The following NPC1 variants were observed in gnomAD, a reference collection of about 807,000 sequenced individuals.
The protein encoded by NPC1 is NPC intracellular cholesterol transporter 1, also known as Niemann-Pick C1 protein.
A neutral mutation model predicts 140.4 loss-of-function variants in NPC1; 85 were observed. The observed-to-expected ratio is 0.61, with a 90% confidence interval of 0.51 to 0.72. The LOEUF is 0.72. Among genes scored for constraint, NPC1 ranks in the 30% least tolerant of loss-of-function variants. The pLI is 0.00. For missense variants in NPC1, 1,504 were observed against 1,623.8 expected, an observed-to-expected ratio of 0.93 and a Z score of 1.27; for synonymous variants, 656 against 624.8, an observed-to-expected ratio of 1.05 and a Z score of -0.74.
rs553424854 is a variant in NPC1 at position 23,513,916 on chromosome 18, A to G, written c.432-7274T>C. On this transcript the variant is annotated intron_variant, in intron 3 of 3. Transcript: ENST00000591107. ...GAATTGTAGTTCTTTATATATTCTG[A>G]TATTAACACCTTCTTAGAGATACAA... 7.2e-5 allele frequency among the ~76,000 whole-genome samples: 11 copies of G among 152,306 alleles called. No individual in the cohort carries two copies. In the East Asian group the frequency reaches 2.1e-3, roughly 29 times the overall value.
downstream of NPC1, chr18:23,528,884 C>CTT (rs112216095): frequency 3.2e-4 from 81 of 253,744 alleles, no homozygotes; most frequent in Middle Eastern, 1.3e-3. Context: ...ATCTGAACTG[C>CTT]TTTTTTTTTT....
chr18:23,561,522 A>G lies in NPC1; in HGVS notation c.469T>C (p.Tyr157His). 1 of 1,614,072 alleles carries G rather than the reference A, an allele frequency of 6.2e-7. No homozygotes were observed. The highest frequency in any genetic ancestry group is 2.2e-5 in the East Asian group (1 of 44,882). Residue 157 changes from tyrosine to histidine, a missense_variant, in exon 5 of 25, where the codon TAC becomes CAC. Tyr to His is a moderately conservative substitution (Grantham distance 83). Transcript: ENST00000269228. ...GCCTCCACATCCCGGCAGGCATTGT[A>G]CATTGCTAGAAGAGGAAACCCAAAG... ...YVGQSFANAMYNACRDVEAPS... is the reference protein window; with the variant it reads ...YVGQSFANAMHNACRDVEAPS...
chr18:23,511,342 AG>A (rs2057852333), intron 3 of NPC1, among the ~76,000 whole-genome samples: 1 of 152,114 alleles, frequency 6.6e-6, no homozygotes, highest in Non-Finnish European at 1.5e-5. Context: ...GGGTGGGAGG[AG>A]GGAGAGGAGC....
chr18:23,547,181 T>C (rs1282926798), intron 11 of NPC1, among the ~76,000 whole-genome samples: 1 of 152,096 alleles, frequency 6.6e-6, no homozygotes, highest in Non-Finnish European at 1.5e-5. Context: ...TAAAACAATT[T>C]TTTAAAAGTA....
chr18:23,517,967 C>A (rs115134694), downstream of NPC1, among the ~76,000 whole-genome samples: 1,226 of 152,326 alleles, frequency 8.0e-3, 9 homozygotes, highest in African/African-American at 0.028. Context: ...ATCCTCCCGC[C>A]TCATCCTCCC....
At chr18:23,529,564 GGATA>G, downstream of NPC1, 1 of 1,395,426 alleles carries the variant, frequency 7.2e-7, no homozygotes, top group South Asian at 1.2e-5. Flanking sequence ...GGTGGGGGTT[GGATA>G]GAGAGTTATA....
chr18:23,511,418 C>T (rs1047483218), intron 3 of NPC1, among the ~76,000 whole-genome samples: 3 of 152,130 alleles, frequency 2.0e-5, no homozygotes, highest in Non-Finnish European at 4.4e-5. Context: ...TACCACAAAC[C>T]CCGTGACATG....
intron 10 of NPC1, among the ~76,000 whole-genome samples, chr18:23,551,121 C>T (rs1355007082): frequency 2.0e-5 from 3 of 152,184 alleles, no homozygotes; most frequent in African/African-American, 7.2e-5. Context: ...TAAAGTGCTA[C>T]AGGAACCAGG....
chr18:23,531,794 G>C lies in NPC1; in HGVS notation c.*408C>G. The C allele has an allele frequency of 1.9e-6, 3 of 1,541,648 alleles. No homozygotes were observed. The highest frequency in any genetic ancestry group is 2.6e-6 in the Non-Finnish European group (3 of 1,152,316). The stretch of plus-strand genomic sequence containing the variant: ...TTTAAACTATAAAATGTTATAAAGT[G>C]TATCTACAACCTCAACTGTCACTAA... On this transcript the variant is annotated 3_prime_UTR_variant, in exon 25 of 25. Transcript: ENST00000269228.
chr18:23,563,167 T>C (rs929762412), intron 4 of NPC1, among the ~76,000 whole-genome samples: 2 of 152,218 alleles, frequency 1.3e-5, no homozygotes, highest in African/African-American at 4.8e-5. Context: ...TAGCATAATG[T>C]TCTCAAGGTT....
chr18:23,530,575 A>G (rs771468080), downstream of NPC1: 1 of 1,614,130 alleles, frequency 6.2e-7, no homozygotes, highest in East Asian at 2.2e-5. Context: ...TTGAACAGCG[A>G]AACCAGCGTT....
downstream of NPC1, chr18:23,526,844 T>TACATTGTTGTGTCTTGTCTGTGACCC: frequency 6.5e-7 from 1 of 1,537,772 alleles, no homozygotes; most frequent in Non-Finnish European, 8.8e-7. Flanking sequence ...GGATGTGGGC[T>TACATTGTTGTGTCTTGTCTGTGACCC]ACATTGTTGT....
downstream of NPC1, among the ~76,000 whole-genome samples, chr18:23,520,899 G>A (rs929323605): frequency 6.6e-6 from 1 of 152,178 alleles, no homozygotes; most frequent in Non-Finnish European, 1.5e-5. Context: ...TGTATTTTTA[G>A]TAGAGATGGG....
chr18:23,537,068 TTC>T (rs1035099235), intron 20 of NPC1, among the ~76,000 whole-genome samples, 192 bp from the exon 21 acceptor site: 1 of 151,654 alleles, frequency 6.6e-6, no homozygotes, highest in Non-Finnish European at 1.5e-5. Flanking sequence ...CCAGACTGGC[TTC>T]TTTTTTTTTT....
chr18:23,523,994 G>A, intron 1 of NPC1: 1 of 977,336 alleles, frequency 1.0e-6, no homozygotes, highest in Non-Finnish European at 1.6e-6. Flanking sequence ...AGACGGAACA[G>A]TTCATTTCTT....
At chr18:23,557,224 G>A (rs758627764) in intron 6 of NPC1, 34 bp from the exon 7 acceptor site, 2 of 1,521,704 alleles carry the variant, frequency 1.3e-6, no homozygotes, top group South Asian at 2.2e-5. Context: ...AGCATTAGTG[G>A]ACTTCATCAC....
intron 1 of NPC1, among the ~76,000 whole-genome samples, chr18:23,580,936 C>T (rs897028882): frequency 6.6e-6 from 1 of 152,228 alleles, no homozygotes; most frequent in African/African-American, 2.4e-5. Flanking sequence ...GCCAACCTGG[C>T]ATGAACGTAT....
At chr18:23,580,665 T>C (rs2059345873) in intron 1 of NPC1, among the ~76,000 whole-genome samples, 1 of 152,172 alleles carries the variant, frequency 6.6e-6, no homozygotes, top group Non-Finnish European at 1.5e-5. Context: ...CAAGCTCCAG[T>C]GAGGCGATGG....
At chr18:23,530,790 A>C (rs1254991950), downstream of NPC1, among the ~76,000 whole-genome samples, 1 of 152,192 alleles carries the variant, frequency 6.6e-6, no homozygotes, top group African/African-American at 2.4e-5. Context: ...TACTGACAGA[A>C]TCTGAATTAT....
Sources: gnomAD v4.1 joint callset for allele counts (sites outside exome capture counted in the v4.1 genomes callset) on GRCh38, gnomAD v4.1.1 for gene constraint, MANE v1.5 for transcripts, NCBI Gene and HGNC (gene_info 2026-07-23, HGNC 2026-07-21) for gene names.